AKAP13: variants seen among roughly 807,000 people sequenced by gnomAD.
The protein encoded by AKAP13 is A-kinase anchoring protein 13, also known as A-kinase anchor protein 13.
Under a neutral mutation model 264.5 loss-of-function variants are expected in AKAP13, and 80 were observed. That is an observed-to-expected ratio of 0.30 (90% CI 0.25 to 0.36). AKAP13 has a LOEUF of 0.36. Ranked by LOEUF, AKAP13 falls within the 10% of genes least tolerant of loss-of-function variation. The pLI, the probability that AKAP13 is intolerant of heterozygous loss-of-function variation, is 1.00. For missense variants in AKAP13, 3,712 were observed against 3,435.2 expected (o/e 1.08, Z -2.01); for synonymous variants, 1,380 against 1,250.2 (o/e 1.10, Z -2.19).
At chr15:85,440,810 G>C (rs998695722) in intron 1 of AKAP13, among the ~76,000 whole-genome samples, 6 of 152,188 alleles carry the variant, frequency 3.9e-5, no homozygotes, top group African/African-American at 1.4e-4. Context: ...CTCTACCAAG[G>C]TAATGATGAC....
chr15:85,734,293 C>G (rs1489458927), intron 30 of AKAP13, among the ~76,000 whole-genome samples: 1 of 152,146 alleles, frequency 6.6e-6, no homozygotes, highest in Non-Finnish European at 1.5e-5. Context: ...TTTTCTATTG[C>G]TCATTTTTAT....
At chr15:85,620,955 T>C (rs2081159139) in intron 8 of AKAP13, among the ~76,000 whole-genome samples, 1 of 152,168 alleles carries the variant, frequency 6.6e-6, no homozygotes, top group Admixed American at 6.5e-5. Context: ...TTTGGAAATT[T>C]AGCAATTTTC....
At chr15:85,611,042 C>G (rs892183477) in intron 8 of AKAP13, among the ~76,000 whole-genome samples, 1 of 152,066 alleles carries the variant, frequency 6.6e-6, no homozygotes, top group African/African-American at 2.4e-5. Flanking sequence ...TATTTAAATC[C>G]AGTTTTCATC....
intron 6 of AKAP13, among the ~76,000 whole-genome samples, chr15:85,576,110 A>T (rs990227427): frequency 6.6e-6 from 1 of 152,196 alleles, no homozygotes; most frequent in Non-Finnish European, 1.5e-5. Flanking sequence ...GGGGACTGAG[A>T]GGTTTTTTTC....
chr15:85,620,639 T>A (rs1311032712), intron 8 of AKAP13, among the ~76,000 whole-genome samples: 1 of 152,202 alleles, frequency 6.6e-6, no homozygotes, highest in Non-Finnish European at 1.5e-5. Context: ...CGTTCAATTC[T>A]TTAGGGGAAG....
chr15:85,383,040 A>G (rs4842880), intron 1 of AKAP13, among the ~76,000 whole-genome samples: 146,679 of 152,150 alleles, frequency 0.96, 70,743 homozygotes, highest in South Asian at 0.97. Flanking sequence ...TTTAGAAATC[A>G]GCCCCCCCCT....
At chr15:85,421,893 AT>A (rs2072540680) in intron 1 of AKAP13, among the ~76,000 whole-genome samples, 1 of 152,248 alleles carries the variant, frequency 6.6e-6, no homozygotes, top group African/African-American at 2.4e-5. Context: ...AATTTGGTTT[AT>A]AATGTCACCA....
chr15:85,741,576 A>T, intron 35 of AKAP13, 81 bp downstream of exon 35: 1 of 1,466,116 alleles, frequency 6.8e-7, no homozygotes, highest in Non-Finnish European at 9.0e-7. Flanking sequence ...TAAGAAAGTG[A>T]GCAGAAATAT....
chr15:85,558,796 T>A (rs2078242409), intron 5 of AKAP13, among the ~76,000 whole-genome samples: 1 of 152,196 alleles, frequency 6.6e-6, no homozygotes, highest in African/African-American at 2.4e-5. Context: ...TGTGCATTCC[T>A]TTCTCTCCTG....
chr15:85,511,131 AGTC>A (rs746208238), intron 2 of AKAP13, among the ~76,000 whole-genome samples: 1 of 152,306 alleles, frequency 6.6e-6, no homozygotes, highest in South Asian at 2.1e-4. Context: ...CTTTTTAAAA[AGTC>A]ATTCCTTTTA....
At chr15:85,543,743 C>A in intron 4 of AKAP13, 29 bp from the exon 5 acceptor site, 1 of 1,572,662 alleles carries the variant, frequency 6.4e-7, no homozygotes, top group Non-Finnish European at 8.6e-7. Context: ...ATTTTCCTCA[C>A]TTACGTTCAT....
intron 5 of AKAP13, among the ~76,000 whole-genome samples, chr15:85,553,206 CCTCCTGAGTAGCTGGGATTACGGGCA>C (rs2078026694): frequency 6.6e-6 from 1 of 151,602 alleles, no homozygotes; most frequent in Admixed American, 6.6e-5. Flanking sequence ...CCTGCCTTGG[CCTCCTGAGTAGCTGGGATTACGGGCA>C]CTCGCCACCA....
chr15:85,737,335 G>A (rs2088615156), intron 33 of AKAP13, among the ~76,000 whole-genome samples: 2 of 152,046 alleles, frequency 1.3e-5, no homozygotes, highest in South Asian at 4.2e-4. Context: ...ACTCCTTGTT[G>A]TGACATAATC....
rs1168285939 is a variant in AKAP13 at position 85,580,708 on chromosome 15, C to T, written c.2640C>T (p.Ile880=). ...ATGAGGGTCCCGCCCCTCCAGCAAT[C>T]CCAGAAGCTCTGAATATCAAGGGGA... The part of the protein sequence containing the change: ...GEHEGPAPPA[I]PEALNIKGNT... The change falls in exon 7 of 37, where the codon ATC becomes ATT. Residue 880 remains isoleucine (I), a synonymous_variant. Coordinates refer to ENST00000394518, the MANE Select transcript of AKAP13 (RefSeq NM_007200.5). 3.7e-6 allele frequency: 6 copies of T among 1,614,040 alleles called. No individual in the cohort carries two copies. The highest frequency in any genetic ancestry group is 2.7e-5 in the African/African-American group (2 of 74,916).
intron 1 of AKAP13, among the ~76,000 whole-genome samples, chr15:85,476,515 T>C (rs2075169089): frequency 6.6e-6 from 1 of 152,202 alleles, no homozygotes; most frequent in South Asian, 2.1e-4. Flanking sequence ...ACTTTATTAT[T>C]TTCTTATTGC....
chr15:85,512,413 C>T (rs1302604653), intron 2 of AKAP13, among the ~76,000 whole-genome samples: 1 of 152,154 alleles, frequency 6.6e-6, no homozygotes, highest in East Asian at 1.9e-4. Context: ...CCCTCTTTCT[C>T]CTATACCCTG....
intron 13 of AKAP13, among the ~76,000 whole-genome samples, chr15:85,668,642 C>T (rs1009964831): frequency 5.3e-5 from 8 of 152,110 alleles, no homozygotes; most frequent in Admixed American, 2.0e-4. Flanking sequence ...TCTCAATTTC[C>T]AATTATTTAA....
chr15:85,499,284 C>A (rs1327664200), intron 2 of AKAP13, among the ~76,000 whole-genome samples: 2 of 152,154 alleles, frequency 1.3e-5, no homozygotes, highest in African/African-American at 4.8e-5. Context: ...ATTAGCACTT[C>A]ACATTTTTTT....
chr15:85,456,913 G>T (rs1445873217), intron 1 of AKAP13, among the ~76,000 whole-genome samples: 4 of 152,106 alleles, frequency 2.6e-5, no homozygotes, highest in Non-Finnish European at 5.9e-5. Flanking sequence ...TTGTGGATTT[G>T]GAGAAGTATT....
Sources: gnomAD v4.1 joint callset for allele counts (sites outside exome capture counted in the v4.1 genomes callset) on GRCh38, gnomAD v4.1.1 for gene constraint, MANE v1.5 for transcripts, NCBI Gene and HGNC (gene_info 2026-07-23, HGNC 2026-07-21) for gene names.